The following NAV2 variants were observed in gnomAD, a reference collection of about 807,000 sequenced individuals.
NAV2 encodes the protein helicase, APC down-regulated 1.
NAV2 carries 54 observed loss-of-function variants against 223.2 expected under a neutral mutation model. That is an observed-to-expected ratio of 0.24 (90% CI 0.19 to 0.30). The LOEUF (loss-of-function observed/expected upper bound fraction) is 0.30, where lower values mean the gene tolerates loss of function less well. NAV2 is among the 10% of genes least tolerant of loss of function. The probability of loss-of-function intolerance (pLI) is 1.00; values close to 1 mark genes in which losing one functional copy is unlikely to be tolerated. For missense variants in NAV2, 2,806 were observed against 3,147.5 expected (o/e 0.89, Z 2.60); for synonymous variants, 1,279 against 1,239.3 (o/e 1.03, Z -0.67).
In NAV2 at chr11:19,833,893, A is replaced by G. The variant is rs569180741; in HGVS notation, c.385+1292A>G. Among the ~76,000 whole-genome samples, 4 of 152,260 alleles carry G rather than the reference A, an allele frequency of 2.6e-5. No individual in the cohort carries two copies. In the East Asian group the frequency reaches 7.7e-4, roughly 29 times the overall value. On this transcript the variant is annotated intron_variant, in intron 2 of 37. Coordinates refer to ENST00000349880, the MANE Select transcript of NAV2 (RefSeq NM_145117.5). ...CCATCACCTCCTAGAAGCTGCTCTC[A>G]GCTCCTTGCCACATGGGCCTCCCAA...
intron 29 of NAV2, among the ~76,000 whole-genome samples, chr11:20,094,255 A>T (rs192702661): frequency 9.0e-6 from 1 of 111,660 alleles, no homozygotes; most frequent in Admixed American, 1.3e-4. Flanking sequence ...TTGGAGGCAG[A>T]GTCTCACTCT....
At chr11:19,620,348 G>A (rs193279620) in intron 1 of NAV2, among the ~76,000 whole-genome samples, 25 of 152,220 alleles carry the variant, frequency 1.6e-4, no homozygotes, top group Admixed American at 1.6e-3. Flanking sequence ...AATTACCTTG[G>A]GAAGAATGGC....
chr11:19,433,572 C>T (rs762239324), intron 1 of NAV2, among the ~76,000 whole-genome samples: 6 of 152,330 alleles, frequency 3.9e-5, no homozygotes, highest in Non-Finnish European at 7.3e-5. Flanking sequence ...GCAGCAAATG[C>T]CAGCACAATT....
At chr11:19,808,755 A>G (rs1208627352) in intron 1 of NAV2, among the ~76,000 whole-genome samples, 1 of 152,222 alleles carries the variant, frequency 6.6e-6, no homozygotes, top group African/African-American at 2.4e-5. Flanking sequence ...TTCCAGTCAT[A>G]TGGGGGATAT....
chr11:19,818,279 C>G (rs2059209322), intron 1 of NAV2, among the ~76,000 whole-genome samples: 2 of 103,814 alleles, frequency 1.9e-5, no homozygotes, highest in African/African-American at 7.8e-5. Context: ...TCTCACCTGT[C>G]TATACTCAGT....
chr11:19,675,543 T>A (rs1162957265), intron 1 of NAV2, among the ~76,000 whole-genome samples: 1 of 152,230 alleles, frequency 6.6e-6, no homozygotes, highest in African/African-American at 2.4e-5. Context: ...AGGGAGCATG[T>A]CATATGCCTC....
At chr11:19,752,140 TC>T (rs1480005254) in intron 1 of NAV2, among the ~76,000 whole-genome samples, 1 of 152,084 alleles carries the variant, frequency 6.6e-6, no homozygotes, top group Non-Finnish European at 1.5e-5. Flanking sequence ...ACTAATTACA[TC>T]CCCATCTTGG....
intron 1 of NAV2, among the ~76,000 whole-genome samples, chr11:19,382,148 T>A (rs146536877): frequency 6.0e-4 from 91 of 152,276 alleles, no homozygotes; most frequent in African/African-American, 2.2e-3. Flanking sequence ...GGAAAGGCAG[T>A]GCCTTTTTAA....
chr11:19,450,504 A>G (rs1044162529), intron 1 of NAV2, among the ~76,000 whole-genome samples: 1 of 152,218 alleles, frequency 6.6e-6, no homozygotes, highest in Non-Finnish European at 1.5e-5. Context: ...TGTAGCATGA[A>G]TGGCAAAAAA....
At chr11:19,785,218 T>A (rs911075956) in intron 1 of NAV2, among the ~76,000 whole-genome samples, 15 of 152,202 alleles carry the variant, frequency 9.9e-5, no homozygotes, top group African/African-American at 2.4e-5. Flanking sequence ...CCTGGAACAA[T>A]CTACTTCACA....
intron 6 of NAV2, among the ~76,000 whole-genome samples, chr11:19,914,714 T>G (rs12576248): frequency 0.17 from 26,075 of 150,308 alleles, 2,577 homozygotes; most frequent in East Asian, 0.44. Context: ...CCGGCTAATT[T>G]TTTGTATTTT....
At chr11:19,945,404 ACT>A (rs936358669) in intron 8 of NAV2, among the ~76,000 whole-genome samples, 23 of 131,846 alleles carry the variant, frequency 1.7e-4, no homozygotes, top group Middle Eastern at 3.7e-3. Context: ...TCCTCCCTTC[ACT>A]CTCTGTTACC....
intron 1 of NAV2, among the ~76,000 whole-genome samples, chr11:19,804,806 G>A (rs529002011): frequency 7.2e-5 from 11 of 152,336 alleles, no homozygotes; most frequent in African/African-American, 2.4e-4. Context: ...GAAACTGGAT[G>A]AAAAAGCCAA....
intron 1 of NAV2, among the ~76,000 whole-genome samples, chr11:19,765,445 C>T (rs1020956484): frequency 2.8e-5 from 4 of 143,788 alleles, no homozygotes; most frequent in African/African-American, 5.6e-5. Context: ...CTTCTTCTTC[C>T]CCTTCCCCTT....
chr11:20,051,432 G>A (rs2057998705), intron 17 of NAV2, 99 bp downstream of exon 17: 4 of 1,155,580 alleles, frequency 3.5e-6, no homozygotes, highest in South Asian at 1.2e-5. Context: ...GCTGGGCTGG[G>A]GTCCCCGCTT....
rs779667224 is a variant in NAV2, at chr11:19,406,001, G to A, written c.75+54974G>A. The stretch of plus-strand genomic sequence containing the variant: ...GAGTAGCAGAAGCATGGCATTGGTC[G>A]GTGGGGAAGGGAGGGATAATGTAAT... On this transcript the variant is annotated intron_variant, in intron 1 of 37. Coordinates refer to the NAV2 transcript ENST00000360655. Among the ~76,000 whole-genome samples the A allele has an allele frequency of 7.2e-5, 11 of 152,296 alleles. 1 individual carries two copies. The South Asian group carries it at 1.9e-3, about 26-fold the overall frequency.
intron 1 of NAV2, among the ~76,000 whole-genome samples, chr11:19,703,592 G>A (rs1182707582): frequency 6.6e-6 from 1 of 152,232 alleles, no homozygotes; most frequent in Non-Finnish European, 1.5e-5. Flanking sequence ...TGTTTGGGCT[G>A]CATGGGCAGC....
chr11:19,717,758 CAG>C (rs1276384177), intron 1 of NAV2, among the ~76,000 whole-genome samples: 1 of 152,162 alleles, frequency 6.6e-6, no homozygotes, highest in Non-Finnish European at 1.5e-5. Context: ...AGATTCATAA[CAG>C]ATCATTGGGA....
At chr11:19,848,928 T>A (rs1231573667) in intron 3 of NAV2, among the ~76,000 whole-genome samples, 2 of 152,160 alleles carry the variant, frequency 1.3e-5, no homozygotes, top group Non-Finnish European at 2.9e-5. Context: ...CTCAGTCCCA[T>A]CATAAGTGGC....
Sources: allele counts gnomAD v4.1 joint callset (sites outside exome capture counted in the v4.1 genomes callset), GRCh38; gene constraint gnomAD v4.1.1; transcripts MANE v1.5; gene names NCBI Gene and HGNC (gene_info 2026-07-23, HGNC 2026-07-21).